Variants in NXPE2 observed in about 807,000 individuals in gnomAD.
The protein encoded by NXPE2 is neurexophilin and PC-esterase domain family member 2.
In NXPE2, 34 loss-of-function variants were observed where a neutral mutation model predicts 34.4. That is an observed-to-expected ratio of 0.99 (90% CI 0.75 to 1.31). NXPE2 has a LOEUF of 1.31. Ranked by LOEUF, NXPE2 falls within the 40% of genes most tolerant of loss-of-function variation. The pLI is 0.00. For synonymous variants in NXPE2, 235 were observed against 231.3 expected, an observed-to-expected ratio of 1.02 and a Z score of -0.15; for missense variants, 649 against 672.5, an observed-to-expected ratio of 0.97 and a Z score of 0.39.
At chr11:114,477,983 A>C in the NXPE2 span, among the ~76,000 whole-genome samples, 4 of 152,058 alleles carry the variant, frequency 2.6e-5, no homozygotes, top group Admixed American at 6.5e-5. Flanking sequence ...CACATCCCTC[A>C]GTGTTGCATG....
At chr11:114,525,361 T>A in the NXPE2 span, among the ~76,000 whole-genome samples, 1 of 151,950 alleles carries the variant, frequency 6.6e-6, no homozygotes, top group East Asian at 1.9e-4. Context: ...CCTGTGAATA[T>A]GTTGAAGCAG....
At chr11:114,609,425 TAA>T in the NXPE2 span, among the ~76,000 whole-genome samples, 1 of 151,926 alleles carries the variant, frequency 6.6e-6, no homozygotes, top group African/African-American at 2.4e-5. Flanking sequence ...CTGTGGATAA[TAA>T]GTGTTGCCTC....
chr11:114,513,898 C>T, the NXPE2 span, among the ~76,000 whole-genome samples: 1 of 152,110 alleles, frequency 6.6e-6, no homozygotes, highest in Non-Finnish European at 1.5e-5. Flanking sequence ...AATTTTGAAT[C>T]GGTATCATGT....
chr11:114,476,546 C>T, the NXPE2 span, among the ~76,000 whole-genome samples: 2 of 152,176 alleles, frequency 1.3e-5, no homozygotes, highest in Non-Finnish European at 2.9e-5. Flanking sequence ...GTTTAATTAA[C>T]TCACAGTTCC....
At chr11:114,483,589 A>C in the NXPE2 span, among the ~76,000 whole-genome samples, 1 of 152,218 alleles carries the variant, frequency 6.6e-6, no homozygotes, top group African/African-American at 2.4e-5. Context: ...ACCAAAACTC[A>C]GATATATAGC....
chr11:114,635,115 T>C, the NXPE2 span, among the ~76,000 whole-genome samples: 1 of 151,550 alleles, frequency 6.6e-6, no homozygotes, highest in Non-Finnish European at 1.5e-5. Flanking sequence ...GTTCTTCCAT[T>C]TGTTTGTATC....
the NXPE2 span, among the ~76,000 whole-genome samples, chr11:114,543,679 A>ATGACTGTCTACGT: frequency 1.3e-5 from 2 of 152,154 alleles, no homozygotes; most frequent in Non-Finnish European, 2.9e-5. Flanking sequence ...GGAACCAGTC[A>ATGACTGTCTACGT]AGAATGTCCT....
At chr11:114,597,565 C>T in the NXPE2 span, among the ~76,000 whole-genome samples, 11 of 152,150 alleles carry the variant, frequency 7.2e-5, no homozygotes, top group Non-Finnish European at 8.8e-5. Flanking sequence ...TTTTCAAGCT[C>T]TGTCCATAGA....
At chr11:114,472,875 G>A in the NXPE2 span, among the ~76,000 whole-genome samples, 1 of 152,128 alleles carries the variant, frequency 6.6e-6, no homozygotes, top group Admixed American at 6.5e-5. Flanking sequence ...TTCCTTGTTT[G>A]GGAAATGAAG....
chr11:114,698,823 G>A (rs996536831), intron 3 of NXPE2, 45 bp downstream of exon 3: 9 of 1,440,996 alleles, frequency 6.2e-6, no homozygotes, highest in East Asian at 2.5e-5. Flanking sequence ...AGAGGTATCC[G>A]ACCAAACTCT....
chr11:114,543,130 C>T, the NXPE2 span, among the ~76,000 whole-genome samples: 34,399 of 151,308 alleles, frequency 0.23, 5,471 homozygotes, highest in African/African-American at 0.44. Flanking sequence ...CTGAGGCAGG[C>T]GGATCAGTTG....
At chr11:114,623,096 T>C in the NXPE2 span, among the ~76,000 whole-genome samples, 1 of 152,116 alleles carries the variant, frequency 6.6e-6, no homozygotes, top group Non-Finnish European at 1.5e-5. Context: ...ATAATTAGCG[T>C]TGCCTGGCGG....
At chr11:114,524,962 TA>T in the NXPE2 span, among the ~76,000 whole-genome samples, 5 of 152,190 alleles carry the variant, frequency 3.3e-5, no homozygotes, top group Admixed American at 3.3e-4. Flanking sequence ...CCGGTTTATC[TA>T]GTGTTTCTTG....
the NXPE2 span, chr11:114,530,260 T>C: frequency 6.2e-7 from 1 of 1,613,990 alleles, no homozygotes; most frequent in Non-Finnish European, 8.5e-7. Context: ...TCACAGGGCA[T>C]GTGTTGAGGC....
At chr11:114,770,704 T>G in the NXPE2 span, among the ~76,000 whole-genome samples, 1 of 152,188 alleles carries the variant, frequency 6.6e-6, no homozygotes, top group Non-Finnish European at 1.5e-5. Flanking sequence ...AAAGCAGTGC[T>G]CCAACCAGTC....
the NXPE2 span, among the ~76,000 whole-genome samples, chr11:114,576,129 G>C: frequency 6.6e-6 from 1 of 152,202 alleles, no homozygotes; most frequent in African/African-American, 2.4e-5. Context: ...AAATGGTGCT[G>C]GGATAATTGG....
the NXPE2 span, among the ~76,000 whole-genome samples, chr11:114,502,162 A>T: frequency 1.3e-5 from 2 of 152,178 alleles, no homozygotes; most frequent in Non-Finnish European, 2.9e-5. Context: ...TACAAGAAAT[A>T]TGTGACCATT....
the NXPE2 span, among the ~76,000 whole-genome samples, chr11:114,606,042 GTC>G: frequency 3.4e-5 from 5 of 145,866 alleles, no homozygotes; most frequent in African/African-American, 1.3e-4. Context: ...GGATAATAAG[GTC>G]TGCCTCGTGG....
the NXPE2 span, among the ~76,000 whole-genome samples, chr11:114,492,704 A>G: frequency 1.3e-4 from 20 of 152,072 alleles, no homozygotes; most frequent in Non-Finnish European, 2.6e-4. Flanking sequence ...ATGCCTGGCT[A>G]ATTTTTTTGT....
Sources: allele counts gnomAD v4.1 joint callset (sites outside exome capture counted in the v4.1 genomes callset), GRCh38; gene constraint gnomAD v4.1.1; transcripts MANE v1.5; gene names NCBI Gene and HGNC (gene_info 2026-07-23, HGNC 2026-07-21).